The following MYO1D variants were observed in gnomAD, a reference collection of about 807,000 sequenced individuals.
MYO1D encodes the protein unconventional myosin-Id.
Under a neutral mutation model 122.0 loss-of-function variants are expected in MYO1D, and 83 were observed. The ratio of observed to expected loss-of-function variants is 0.68; its 90% confidence interval spans 0.57 to 0.82. The LOEUF is 0.82. Ranked by LOEUF, MYO1D falls within the 40% of genes least tolerant of loss-of-function variation. The pLI is 0.00. For missense variants in MYO1D, 1,157 were observed against 1,269.5 expected (o/e 0.91, Z 1.35); for synonymous variants, 464 against 446.9 (o/e 1.04, Z -0.48).
Position 32,738,389 on chromosome 17 carries a change from A to G in MYO1D, c.1614-4T>C. ...ATTCTTGAGCACAGGATTTGAACTG[A>G]GAAGCACAGAAAAAACAATTCAAAT... On this transcript the variant is annotated splice_region_variant and splice_polypyrimidine_tract_variant and intron_variant, in intron 13 of 21. Transcript: ENST00000318217. The G allele has an allele frequency of 6.4e-7, 1 of 1,564,214 alleles. No homozygotes were observed.
intron 21 of MYO1D, among the ~76,000 whole-genome samples, chr17:32,507,065 T>C (rs1216450627): frequency 1.3e-5 from 2 of 152,206 alleles, no homozygotes; most frequent in African/African-American, 4.8e-5. Context: ...CTCATACATA[T>C]GATTTACAAA....
chr17:32,567,366 T>C (rs755057630), intron 21 of MYO1D, among the ~76,000 whole-genome samples: 11 of 152,198 alleles, frequency 7.2e-5, no homozygotes, highest in Non-Finnish European at 1.6e-4. Flanking sequence ...TGACAACAGT[T>C]AATAAAATCA....
chr17:32,778,708 G>C, intron 2 of MYO1D, 135 bp from the exon 3 acceptor site: 2 of 775,010 alleles, frequency 2.6e-6, no homozygotes, highest in East Asian at 2.7e-5. Flanking sequence ...TCATTTTTTT[G>C]CTTTTTTGAG....
Position 32,494,647 on chromosome 17 carries a change from G to T in MYO1D, c.*112C>A. The T allele has an allele frequency of 7.8e-7, 1 of 1,275,372 alleles. No homozygotes were observed. Among genetic ancestry groups the T allele is most frequent in the Non-Finnish European group, 1.1e-6 (1 of 946,864 alleles). 79.0% of individuals were successfully genotyped at this position (1,275,372 alleles called of 1,614,324 possible). ...AATCTTACAGGGGCGGGGCTCCTCT[G>T]GGAGGGGCCCTCGCAGCAGGTTTCT... On this transcript the variant is annotated 3_prime_UTR_variant, in exon 22 of 22. Coordinates refer to ENST00000318217, the MANE Select transcript of MYO1D (RefSeq NM_015194.3).
intron 1 of MYO1D, among the ~76,000 whole-genome samples, chr17:32,820,488 C>T (rs1186498733): frequency 6.6e-6 from 1 of 152,062 alleles, no homozygotes; most frequent in East Asian, 1.9e-4. Context: ...ATTAATGAAC[C>T]TGGAGGATAT....
At chr17:32,545,674 T>G (rs1460495408) in intron 21 of MYO1D, among the ~76,000 whole-genome samples, 1 of 152,196 alleles carries the variant, frequency 6.6e-6, no homozygotes, top group Non-Finnish European at 1.5e-5. Context: ...AGGTCAATTA[T>G]TATACATTCT....
At chr17:32,551,688 G>A (rs969660093) in intron 21 of MYO1D, among the ~76,000 whole-genome samples, 6 of 151,818 alleles carry the variant, frequency 4.0e-5, no homozygotes, top group South Asian at 2.1e-4. Context: ...TGCTCTTCCC[G>A]AGAACACACC....
At chr17:32,875,218 A>G (rs2091217806) in intron 1 of MYO1D, among the ~76,000 whole-genome samples, 1 of 152,238 alleles carries the variant, frequency 6.6e-6, no homozygotes. Context: ...GGCATTTCTC[A>G]AAGCACACAA....
chr17:32,542,555 C>G (rs1910868123), intron 21 of MYO1D, among the ~76,000 whole-genome samples: 1 of 150,126 alleles, frequency 6.7e-6, no homozygotes, highest in Non-Finnish European at 1.5e-5. Context: ...AAGCAGTATG[C>G]TGTTCACACC....
intron 1 of MYO1D, among the ~76,000 whole-genome samples, chr17:32,836,089 T>C (rs2090819659): frequency 6.6e-6 from 1 of 152,228 alleles, no homozygotes; most frequent in Non-Finnish European, 1.5e-5. Context: ...AAATTAGTAT[T>C]TTAATGCAAA....
intron 1 of MYO1D, among the ~76,000 whole-genome samples, chr17:32,810,232 G>C (rs1252776416): frequency 6.6e-6 from 1 of 152,148 alleles, no homozygotes; most frequent in Non-Finnish European, 1.5e-5. Context: ...CAGACAGGGA[G>C]GCTGAGAAAG....
At chr17:32,539,517 C>T (rs951448218) in intron 21 of MYO1D, among the ~76,000 whole-genome samples, 5 of 152,162 alleles carry the variant, frequency 3.3e-5, no homozygotes, top group Admixed American at 3.3e-4. Flanking sequence ...CATGTTCCCT[C>T]CAGAGCCTCT....
At chr17:32,734,672 G>A (rs2089677114) in intron 14 of MYO1D, 1 of 152,086 alleles carries the variant, frequency 6.6e-6, no homozygotes, top group Admixed American at 6.5e-5. Context: ...ACCTGTTTAG[G>A]AGAGTACTTT....
intron 16 of MYO1D, among the ~76,000 whole-genome samples, chr17:32,687,846 T>C (rs2089040300): frequency 1.3e-5 from 2 of 152,214 alleles, no homozygotes; most frequent in Admixed American, 1.3e-4. Flanking sequence ...ATTGACGAAA[T>C]GTTACCTAAG....
At chr17:32,714,017 T>A (rs2089411749) in intron 15 of MYO1D, among the ~76,000 whole-genome samples, 1 of 152,012 alleles carries the variant, frequency 6.6e-6, no homozygotes, top group Non-Finnish European at 1.5e-5. Context: ...CTTACATGAA[T>A]CTTTAAAGTT....
intron 16 of MYO1D, among the ~76,000 whole-genome samples, chr17:32,678,039 A>G (rs1238953947): frequency 6.6e-6 from 1 of 152,224 alleles, no homozygotes; most frequent in Non-Finnish European, 1.5e-5. Flanking sequence ...AATAGCATCA[A>G]AAAGTGACAG....
chr17:32,845,297 C>T (rs2090925783), intron 1 of MYO1D, among the ~76,000 whole-genome samples: 1 of 152,158 alleles, frequency 6.6e-6, no homozygotes, highest in Non-Finnish European at 1.5e-5. Flanking sequence ...CTTCCTCTCC[C>T]TATTCACTCA....
chr17:32,608,429 A>G (rs946532399), intron 20 of MYO1D, among the ~76,000 whole-genome samples: 4 of 152,232 alleles, frequency 2.6e-5, no homozygotes, highest in Non-Finnish European at 2.9e-5. Context: ...AATGGGAACC[A>G]CTGCAAACCC....
At chr17:32,814,362 CA>C (rs1480425874) in intron 1 of MYO1D, among the ~76,000 whole-genome samples, 1 of 152,086 alleles carries the variant, frequency 6.6e-6, no homozygotes, top group Non-Finnish European at 1.5e-5. Context: ...AAAACAAAAA[CA>C]AAAAACACTT....
Sources: allele counts gnomAD v4.1 joint callset (sites outside exome capture counted in the v4.1 genomes callset), GRCh38; gene constraint gnomAD v4.1.1; transcripts MANE v1.5; gene names NCBI Gene and HGNC (gene_info 2026-07-23, HGNC 2026-07-21).